ANKDD1B: variants seen among roughly 807,000 people sequenced by gnomAD.
ANKDD1B encodes ankyrin repeat and death domain-containing protein 1B.
A neutral mutation model predicts 59.7 loss-of-function variants in ANKDD1B; 57 were observed. The ratio of observed to expected loss-of-function variants is 0.95; its 90% CI spans 0.77 to 1.19. ANKDD1B has a LOEUF of 1.19. Among genes scored for constraint, ANKDD1B ranks in the 50% most tolerant of loss-of-function variants. The pLI, the probability that ANKDD1B is intolerant of heterozygous loss-of-function variation, is 0.00. For synonymous variants in ANKDD1B, 216 were observed against 239.5 expected (o/e 0.90, Z 0.91); for missense variants, 602 against 641.9 (o/e 0.94, Z 0.67).
chr5:75,617,342 A>G (rs1773740596), intron 2 of ANKDD1B, among the ~76,000 whole-genome samples: 1 of 152,206 alleles, frequency 6.6e-6, no homozygotes, highest in Non-Finnish European at 1.5e-5. Context: ...AAAAATCTAA[A>G]GAGGCGTGTG....
intron 3 of ANKDD1B, among the ~76,000 whole-genome samples, chr5:75,621,583 C>T (rs1245032073): frequency 6.6e-6 from 1 of 151,996 alleles, no homozygotes. Context: ...GTGCTTACTT[C>T]GTTTTAACAA....
intron 12 of ANKDD1B, among the ~76,000 whole-genome samples, chr5:75,668,880 C>T (rs566364393): frequency 1.3e-5 from 2 of 152,316 alleles, no homozygotes; most frequent in South Asian, 4.1e-4. Context: ...TTACCCCAGA[C>T]CTACTGAATC....
chr5:75,654,212 G>GGT, intron 8 of ANKDD1B, among the ~76,000 whole-genome samples: 1 of 152,188 alleles, frequency 6.6e-6, no homozygotes, highest in South Asian at 2.1e-4. Context: ...TCCATCTGCT[G>GGT]GTGACACTCT....
intron 1 of ANKDD1B, among the ~76,000 whole-genome samples, chr5:75,615,555 A>G (rs1305432805): frequency 6.6e-6 from 1 of 152,084 alleles, no homozygotes; most frequent in Non-Finnish European, 1.5e-5. Context: ...ATTTTCTCAC[A>G]GTTCTGGAGG....
At position 75,669,287 on chromosome 5, in the gene ANKDD1B, C is replaced by T. The variant is rs1461052198; in HGVS notation, c.1429C>T (p.Leu477=). The T allele has an allele frequency of 2.4e-6, 3 of 1,232,060 alleles. No homozygotes were observed. Among genetic ancestry groups the T allele is most frequent in the Non-Finnish European group, 3.0e-6 (3 of 987,972 alleles). The allele number at this position is 1,232,060 out of a possible 1,614,324, so 76.3% of individuals were successfully genotyped here. The change falls in exon 13 of 14, where the codon CTG becomes TTG. Residue 477 remains leucine, a synonymous_variant. Transcript: ENST00000601380. The part of the protein sequence containing the change: ...ESFREHGHRA[L]LIWLHGTLMT... ...CTTCCGTGAACATGGCCACAGGGCT[C>T]TGCTTATCTGGCTACACGGGACCCT...
At chr5:75,642,088 T>G (rs1422441) in intron 7 of ANKDD1B, among the ~76,000 whole-genome samples, 23,324 of 152,090 alleles carry the variant, frequency 0.15, 4,839 homozygotes, top group African/African-American at 0.47. Context: ...AAATATAGTA[T>G]AGTAAATATT....
chr5:75,651,719 G>A (rs1774836407), intron 7 of ANKDD1B, among the ~76,000 whole-genome samples: 1 of 152,212 alleles, frequency 6.6e-6, no homozygotes, highest in African/African-American at 2.4e-5. Flanking sequence ...CCTGGGAGAA[G>A]GGAAATGAGG....
intron 2 of ANKDD1B, 56 bp downstream of exon 2, chr5:75,616,963 C>T (rs1355854813): frequency 4.1e-6 from 3 of 729,936 alleles, no homozygotes; most frequent in South Asian, 1.9e-5. Flanking sequence ...CTTGGATTTA[C>T]ACAGGACATC....
chr5:75,624,482 C>A (rs529541415), intron 3 of ANKDD1B, among the ~76,000 whole-genome samples: 1 of 152,196 alleles, frequency 6.6e-6, no homozygotes, highest in Non-Finnish European at 1.5e-5. Flanking sequence ...AGTCAGCATA[C>A]AACTGCCCAC....
intron 7 of ANKDD1B, 66 bp from the exon 8 acceptor site, chr5:75,653,076 A>G (rs1774871206): frequency 2.7e-6 from 3 of 1,102,884 alleles, no homozygotes; most frequent in Non-Finnish European, 4.0e-6. Context: ...ACCATGTCAT[A>G]AACACCAGAA....
At chr5:75,626,759 C>G (rs958002435) in intron 5 of ANKDD1B, among the ~76,000 whole-genome samples, 2 of 150,988 alleles carry the variant, frequency 1.3e-5, no homozygotes, top group African/African-American at 4.9e-5. Flanking sequence ...GTCCTTCCCC[C>G]GGAATATCTC....
intron 2 of ANKDD1B, 32 bp downstream of exon 2, chr5:75,616,939 T>C: frequency 9.8e-7 from 1 of 1,023,960 alleles, no homozygotes; most frequent in Non-Finnish European, 1.4e-6. Flanking sequence ...GACAAGTGAC[T>C]TCTCCAGTAA....
chr5:75,624,887 CA>C (rs779198573), intron 3 of ANKDD1B, among the ~76,000 whole-genome samples: 28 of 152,152 alleles, frequency 1.8e-4, no homozygotes, highest in Non-Finnish European at 2.2e-4. Context: ...TCTTATTTTC[CA>C]TATTTAGCAA....
chr5:75,634,875 T>G, intron 5 of ANKDD1B, 23 bp from the exon 6 acceptor site: 7 of 1,416,682 alleles, frequency 4.9e-6, no homozygotes, highest in Non-Finnish European at 6.7e-6. Flanking sequence ...AATAAATGCT[T>G]GAGGTTTGTG....
chr5:75,670,066 C>T (rs751652974), intron 13 of ANKDD1B, among the ~76,000 whole-genome samples: 7 of 152,142 alleles, frequency 4.6e-5, no homozygotes, highest in Non-Finnish European at 7.3e-5. Context: ...CAATAGTTTC[C>T]AGCAGTAGTA....
chr5:75,665,551 G>A (rs1775283315), intron 11 of ANKDD1B, among the ~76,000 whole-genome samples: 1 of 152,178 alleles, frequency 6.6e-6, no homozygotes, highest in South Asian at 2.1e-4. Flanking sequence ...AGGCACTGTG[G>A]AAGTAAAGCT....
At chr5:75,663,540 C>T (rs1775219426) in intron 11 of ANKDD1B, 51 bp downstream of exon 11, 2 of 1,422,780 alleles carry the variant, frequency 1.4e-6, no homozygotes, top group African/African-American at 1.4e-5. Flanking sequence ...CAACACCCAT[C>T]TTCTTGCAGG....
At chr5:75,664,376 C>G (rs1459778422) in intron 11 of ANKDD1B, among the ~76,000 whole-genome samples, 6 of 152,236 alleles carry the variant, frequency 3.9e-5, no homozygotes, top group Non-Finnish European at 8.8e-5. Flanking sequence ...CACCATCCTC[C>G]TTGCAACTTT....
chr5:75,650,067 G>A (rs890442472), intron 7 of ANKDD1B, among the ~76,000 whole-genome samples: 2 of 152,214 alleles, frequency 1.3e-5, no homozygotes, highest in Non-Finnish European at 2.9e-5. Context: ...GTAGTATTGT[G>A]ATTTCAGAGA....
Sources: gnomAD v4.1 joint callset for allele counts (sites outside exome capture counted in the v4.1 genomes callset) on GRCh38, gnomAD v4.1.1 for gene constraint, MANE v1.5 for transcripts, NCBI Gene and HGNC (gene_info 2026-07-23, HGNC 2026-07-21) for gene names.